Variants in OSBPL9 observed in about 807,000 individuals in gnomAD.
OSBPL9 encodes the protein oxysterol binding protein like 9, also known as oxysterol-binding protein-related protein 9.
A neutral mutation model predicts 106.6 loss-of-function variants in OSBPL9; 40 were observed. That is an observed-to-expected ratio of 0.38 (90% CI 0.29 to 0.49). OSBPL9 has a LOEUF of 0.49. OSBPL9 is among the 20% of genes least tolerant of loss of function. The probability of loss-of-function intolerance (pLI) is 0.97; values close to 1 mark genes in which losing one functional copy is unlikely to be tolerated. For missense variants in OSBPL9, 609 were observed against 887.2 expected (o/e 0.69, Z 3.98); for synonymous variants, 269 against 295.4 (o/e 0.91, Z 0.92).
At chr1:51,607,983 GATTTTCCT>G (rs2148605369) in intron 2 of OSBPL9, among the ~76,000 whole-genome samples, 1 of 152,340 alleles carries the variant, frequency 6.6e-6, no homozygotes, top group South Asian at 2.1e-4. Flanking sequence ...CTCCTCTCTT[GATTTTCCT>G]TGGGGCAGGC....
intron 3 of OSBPL9, among the ~76,000 whole-genome samples, chr1:51,712,337 G>A (rs1050475447): frequency 1.3e-5 from 2 of 152,238 alleles, no homozygotes; most frequent in African/African-American, 4.8e-5. Context: ...GTTGCAGTGA[G>A]CCGAGATGGC....
At chr1:51,702,147 C>A (rs1229175116) in intron 3 of OSBPL9, among the ~76,000 whole-genome samples, 3 of 152,164 alleles carry the variant, frequency 2.0e-5, no homozygotes, top group African/African-American at 7.2e-5. Flanking sequence ...ATTTATAATC[C>A]TTAGGGTATA....
At chr1:51,560,534 A>G in the OSBPL9 span, among the ~76,000 whole-genome samples, 2 of 152,236 alleles carry the variant, frequency 1.3e-5, no homozygotes, top group Admixed American at 6.5e-5. Context: ...TTCTTCATCC[A>G]GGACTTTGTA....
chr1:51,667,978 G>T (rs1197617781), intron 2 of OSBPL9, among the ~76,000 whole-genome samples: 1 of 152,138 alleles, frequency 6.6e-6, no homozygotes, highest in Non-Finnish European at 1.5e-5. Context: ...ATAGAGTTGG[G>T]GTTCATCCAG....
chr1:51,741,910 A>G (rs1667005372), intron 4 of OSBPL9, among the ~76,000 whole-genome samples: 1 of 152,212 alleles, frequency 6.6e-6, no homozygotes, highest in South Asian at 2.1e-4. Flanking sequence ...TTTGGTCCTG[A>G]GTGCCAATAA....
intron 3 of OSBPL9, among the ~76,000 whole-genome samples, chr1:51,674,311 A>G (rs1016856465): frequency 2.0e-5 from 3 of 151,928 alleles, no homozygotes; most frequent in African/African-American, 4.8e-5. Flanking sequence ...TGTTTAATCA[A>G]CTTTATTGAG....
intron 3 of OSBPL9, among the ~76,000 whole-genome samples, chr1:51,690,286 G>T (rs1269967702): frequency 1.3e-5 from 2 of 152,186 alleles, no homozygotes; most frequent in East Asian, 3.8e-4. Flanking sequence ...GAACTGAAAA[G>T]AACCCATTAA....
chr1:51,575,745 T>C (rs1645180104), upstream of OSBPL9, among the ~76,000 whole-genome samples: 1 of 152,204 alleles, frequency 6.6e-6, no homozygotes, highest in Admixed American at 6.5e-5. Flanking sequence ...AAGGCACTTA[T>C]AAAACAGCAA....
chr1:51,663,948 T>C (rs2148743292), intron 2 of OSBPL9, among the ~76,000 whole-genome samples: 1 of 152,340 alleles, frequency 6.6e-6, no homozygotes, highest in East Asian at 1.9e-4. Context: ...ATGTCACTAC[T>C]TACCTGCCAA....
Position 51,787,918 on chromosome 1 carries a change from C to T in OSBPL9, c.*129C>T, listed in dbSNP as rs1256141523. 1.3e-6 allele frequency: 1 copy of T among 788,266 alleles called. No homozygotes were observed. Among genetic ancestry groups the T allele is most frequent in the African/African-American group, 1.8e-5 (1 of 57,102 alleles). 48.8% of individuals were successfully genotyped at this position (788,266 alleles called of 1,614,324 possible). A position where few individuals can be genotyped will look rare whatever the true frequency, so the allele number is the denominator to read the frequency against. ...TACAGTGGTTCCTATCTCAGGGATACTGGACTTTCTGACGCAGATGAACAA... is the reference window on the plus strand; with the variant it reads ...TACAGTGGTTCCTATCTCAGGGATATTGGACTTTCTGACGCAGATGAACAA... On this transcript the variant is annotated 3_prime_UTR_variant, in exon 24 of 24. Transcript: ENST00000428468.
chr1:51,529,260 A>G, the OSBPL9 span, among the ~76,000 whole-genome samples: 1 of 151,194 alleles, frequency 6.6e-6, no homozygotes, highest in Admixed American at 6.6e-5. Context: ...TTTTTTTGAG[A>G]CAAGAGTCTT....
chr1:51,552,595 T>G, the OSBPL9 span, among the ~76,000 whole-genome samples: 1 of 152,168 alleles, frequency 6.6e-6, no homozygotes, highest in African/African-American at 2.4e-5. Flanking sequence ...TAAAAAGTAT[T>G]ACAAGGTCTA....
chr1:51,745,762 C>T (rs1667846712), intron 5 of OSBPL9, 131 bp downstream of exon 5: 2 of 1,116,030 alleles, frequency 1.8e-6, no homozygotes, highest in South Asian at 5.2e-5. Flanking sequence ...TTAAAGCAGA[C>T]TTAAAAGATC....
chr1:51,749,039 C>T (rs765969948), intron 7 of OSBPL9, among the ~76,000 whole-genome samples: 1 of 151,584 alleles, frequency 6.6e-6, no homozygotes, highest in African/African-American at 2.4e-5. Context: ...GAGTTGAGAT[C>T]GTGCCATTGC....
chr1:51,748,339 A>G (rs749619299), intron 6 of OSBPL9, 30 bp from the exon 7 acceptor site: 12 of 1,513,692 alleles, frequency 7.9e-6, no homozygotes, highest in Non-Finnish European at 1.1e-5. Flanking sequence ...GCTTCTGATT[A>G]TTTCTGTTTA....
At chr1:51,634,209 G>A (rs187364186) in intron 1 of OSBPL9, among the ~76,000 whole-genome samples, 3 of 152,076 alleles carry the variant, frequency 2.0e-5, no homozygotes, top group African/African-American at 7.3e-5. Context: ...ATTAGTCTTT[G>A]CTAAATAGGG....
chr1:51,676,167 TA>T (rs1231461295), intron 3 of OSBPL9, among the ~76,000 whole-genome samples: 1 of 152,122 alleles, frequency 6.6e-6, no homozygotes, highest in Non-Finnish European at 1.5e-5. Flanking sequence ...GAAAAGGAAT[TA>T]AGAGGCCGGG....
the OSBPL9 span, among the ~76,000 whole-genome samples, chr1:51,546,732 A>G: frequency 6.6e-6 from 1 of 152,042 alleles, no homozygotes; most frequent in African/African-American, 2.4e-5. Context: ...ATAACTAGAT[A>G]AGAGAATGGG....
chr1:51,680,213 T>C (rs1459795744), intron 3 of OSBPL9, among the ~76,000 whole-genome samples: 2 of 151,680 alleles, frequency 1.3e-5, no homozygotes, highest in East Asian at 1.9e-4. Context: ...CAAGATCTTG[T>C]CACTGCACTC....
Sources: gnomAD v4.1 joint callset for allele counts (sites outside exome capture counted in the v4.1 genomes callset) on GRCh38, gnomAD v4.1.1 for gene constraint, MANE v1.5 for transcripts, NCBI Gene and HGNC (gene_info 2026-07-23, HGNC 2026-07-21) for gene names.